Variants in NUP188 observed in about 807,000 individuals in gnomAD.
NUP188 encodes the protein nucleoporin NUP188.
NUP188 carries 97 observed loss-of-function variants against 223.0 expected under a neutral mutation model. That is an observed-to-expected ratio of 0.43 (90% CI 0.37 to 0.51). The LOEUF (loss-of-function observed/expected upper bound fraction) is 0.51, where lower values mean the gene tolerates loss of function less well. Among genes scored for constraint, NUP188 ranks in the 20% least tolerant of loss-of-function variants. The pLI, the probability that NUP188 is intolerant of heterozygous loss-of-function variation, is 0.00. For synonymous variants in NUP188, 869 were observed against 828.0 expected (o/e 1.05, Z -0.85); for missense variants, 1,947 against 2,175.6 (o/e 0.89, Z 2.09).
chr9:128,969,253 C>T (rs1467442107), intron 9 of NUP188, 147 bp from the exon 10 acceptor site: 3 of 575,734 alleles, frequency 5.2e-6, no homozygotes, highest in South Asian at 2.2e-5. Flanking sequence ...CCCACCTCTG[C>T]CTCTCAAAGT....
intron 8 of NUP188, among the ~76,000 whole-genome samples, chr9:128,963,417 C>G (rs1044907631): frequency 6.6e-6 from 1 of 151,526 alleles, no homozygotes; most frequent in Non-Finnish European, 1.5e-5. Context: ...TCCTGAGTAG[C>G]TGGGATTACA....
Position 128,984,968 on chromosome 9 carries a change from A to G in NUP188, c.2030A>G (p.Tyr677Cys), listed in dbSNP as rs781761973. Residue 677 changes from tyrosine (Y) to cysteine (C), a missense_variant, in exon 20 of 44, where the codon TAT becomes TGT. By Grantham distance (194) the Tyr-to-Cys change is radical. This residue lies in a region of NUP188 where 817 missense variants were observed against 865.8 expected (regional missense o/e 0.94). Coordinates refer to ENST00000372577, the MANE Select transcript of NUP188 (RefSeq NM_015354.3). ...AACAGTGAACAGCCTCAGGGCGAGT[A>G]TGGGGTTACTATTGCCTTTCTGCGC... Reference protein sequence around the residue: ...LMNSEQPQGEYGVTIAFLRLI... With the variant: ...LMNSEQPQGECGVTIAFLRLI... The G allele has an allele frequency of 1.9e-6, 3 of 1,613,862 alleles. No individual in the cohort carries two copies. The highest frequency in any genetic ancestry group is 2.5e-6 in the Non-Finnish European group (3 of 1,179,872).
chr9:128,966,205 GTA>G (rs1273186737), intron 8 of NUP188, among the ~76,000 whole-genome samples: 1 of 142,390 alleles, frequency 7.0e-6, no homozygotes, highest in African/African-American at 2.6e-5. Flanking sequence ...TTTTATATAT[GTA>G]TATGTTTTTT....
intron 14 of NUP188, 144 bp from the exon 15 acceptor site, chr9:128,981,120 C>T (rs1463091305): frequency 1.5e-5 from 14 of 930,566 alleles, no homozygotes; most frequent in East Asian, 2.5e-5. Flanking sequence ...GAAGATTTGG[C>T]GAGGGGCGCA....
intron 8 of NUP188, among the ~76,000 whole-genome samples, chr9:128,963,010 G>A (rs1395061609): frequency 6.6e-6 from 1 of 152,048 alleles, no homozygotes; most frequent in Non-Finnish European, 1.5e-5. Context: ...GCTTCTTTCA[G>A]TTAATGTCAT....
At chr9:129,000,045 T>C (rs1466052229) in intron 34 of NUP188, among the ~76,000 whole-genome samples, 2 of 152,200 alleles carry the variant, frequency 1.3e-5, no homozygotes, top group Non-Finnish European at 2.9e-5. Context: ...TTAGGTGCCT[T>C]TTCAGCAATG....
chr9:128,980,493 T>C, intron 13 of NUP188, 113 bp from the exon 14 acceptor site: 2 of 1,038,196 alleles, frequency 1.9e-6, no homozygotes, highest in Admixed American at 2.4e-5. Flanking sequence ...AGGGATGATA[T>C]CTGTCTAAAA....
intron 15 of NUP188, 127 bp from the exon 16 acceptor site, chr9:128,982,422 T>G (rs1379824748): frequency 2.4e-6 from 2 of 849,268 alleles, no homozygotes; most frequent in Non-Finnish European, 1.8e-6. Flanking sequence ...AGGGAGACTC[T>G]GTCTCAAAAA....
intron 3 of NUP188, among the ~76,000 whole-genome samples, 156 bp from the exon 4 acceptor site, chr9:128,956,182 GGTGTGTGTGTGT>G (rs60109270): frequency 1.5e-5 from 2 of 134,640 alleles, no homozygotes; most frequent in African/African-American, 2.6e-5. Flanking sequence ...GAGGTGAATG[GGTGTGTGTGTGT>G]GTGTGTGTGT....
Position 128,980,673 on chromosome 9 carries a change from C to A in NUP188, c.1337C>A (p.Pro446Gln). The change falls in exon 14 of 44, where the codon CCA (proline) becomes CAA (glutamine). Residue 446 changes from proline to glutamine, a missense_variant. Pro to Gln is a moderately conservative substitution (Grantham distance 76, BLOSUM62 -1). Around this residue, in one of 3 missense-constraint regions of NUP188, gnomAD observed 817 missense variants for 865.8 expected, o/e 0.94. Transcript: ENST00000372577. The stretch of plus-strand genomic sequence containing the variant: ...GGAATGTTTCCCCACCTTCTCTCCC[C>A]ACTCCTGCAACTGCTCCGAGCCCTG... ...VCGMFPHLLS[P>Q]LLQLLRALVS... is the part of the protein sequence containing the mutation. The A allele has an allele frequency of 1.9e-6, 3 of 1,614,132 alleles. No individual in the cohort carries two copies. The highest frequency in any genetic ancestry group is 2.5e-6 in the Non-Finnish European group (3 of 1,180,006).
At chr9:128,993,465 T>C in intron 26 of NUP188, 60 bp from the exon 27 acceptor site, 1 of 1,612,286 alleles carries the variant, frequency 6.2e-7, no homozygotes, top group Non-Finnish European at 8.5e-7. Flanking sequence ...TGCTGGGCTC[T>C]GCAAGTACAG....
chr9:128,960,186 C>G (rs1841927735), intron 8 of NUP188, among the ~76,000 whole-genome samples: 1 of 151,048 alleles, frequency 6.6e-6, no homozygotes, highest in Non-Finnish European at 1.5e-5. Context: ...GCCTCAGCCT[C>G]CCGAGTAGCT....
chr9:128,999,190 T>C lies in NUP188; in HGVS notation c.3534T>C (p.Asp1178=). Reference sequence around the variant, plus strand: ...TTTCTAGAGAGTTAGGTTCTGTGGATGAAATCCTTGGACCCTTGACGGAGA... The same window carrying C: ...TTTCTAGAGAGTTAGGTTCTGTGGACGAAATCCTTGGACCCTTGACGGAGA... ...RQWKRELGSV[D]EILGPLTEIL... is the part of the protein sequence containing the mutation. Residue 1178 remains aspartate (D), a synonymous_variant, in exon 33 of 44, where the codon GAT becomes GAC. Coordinates refer to ENST00000372577, the MANE Select transcript of NUP188 (RefSeq NM_015354.3). 6.2e-7 allele frequency: 1 copy of C among 1,614,106 alleles called. No individual in the cohort carries two copies. The highest frequency in any genetic ancestry group is 8.5e-7 in the Non-Finnish European group (1 of 1,180,008).
intron 35 of NUP188, 32 bp downstream of exon 35, chr9:129,001,761 G>A (rs1434983631): frequency 1.1e-5 from 18 of 1,607,674 alleles, no homozygotes; most frequent in Admixed American, 8.4e-5. Flanking sequence ...AGGAGGGAGC[G>A]TCCTTGCTTG....
At chr9:129,003,573 C>T in intron 38 of NUP188, 119 bp downstream of exon 38, 1 of 1,203,530 alleles carries the variant, frequency 8.3e-7, no homozygotes, top group Non-Finnish European at 1.2e-6. Context: ...GGGCTTTTCC[C>T]TTGGGGAGCA....
intron 12 of NUP188, among the ~76,000 whole-genome samples, chr9:128,974,292 C>G (rs1842140760): frequency 6.6e-6 from 1 of 151,740 alleles, no homozygotes; most frequent in Non-Finnish European, 1.5e-5. Context: ...CTCGGCTTCC[C>G]AAATATATAC....
At position 128,993,610 on chromosome 9, in the gene NUP188, C is replaced by A. The variant is rs1432354028; in HGVS notation, c.2933C>A (p.Pro978His). The change falls in exon 27 of 44, where the codon CCC (proline) becomes CAC (histidine). Residue 978 changes from proline to histidine, a missense_variant. This residue lies in a region of NUP188 where 905 missense variants were observed against 990.6 expected (regional missense o/e 0.91). Coordinates refer to ENST00000372577, the MANE Select transcript of NUP188 (RefSeq NM_015354.3). The part of the protein sequence containing the change: ...SQQQDRYWCP[P>H]LLHRAAIAFL... ...CAGCAAGATCGATACTGGTGCCCACCCCTGCTGCATCGTGCCGCCATTGCC... is the reference window on the plus strand; with the variant it reads ...CAGCAAGATCGATACTGGTGCCCACACCTGCTGCATCGTGCCGCCATTGCC... 3 of 1,614,086 alleles carry A rather than the reference C, an allele frequency of 1.9e-6. No homozygotes were observed. The highest frequency in any genetic ancestry group is 3.3e-5 in the Admixed American group (2 of 60,000).
chr9:128,985,873 T>C (rs1332370170), intron 20 of NUP188, among the ~76,000 whole-genome samples: 1 of 152,138 alleles, frequency 6.6e-6, no homozygotes, highest in Non-Finnish European at 1.5e-5. Context: ...ACCTCATCTC[T>C]ACTAAAAATA....
intron 30 of NUP188, 95 bp downstream of exon 30, chr9:128,995,609 A>T: frequency 9.0e-7 from 1 of 1,106,620 alleles, no homozygotes; most frequent in Non-Finnish European, 1.3e-6. Context: ...CGGAAGAATT[A>T]ATCAGGGTTT....
Sources: gnomAD v4.1 joint callset for allele counts (sites outside exome capture counted in the v4.1 genomes callset) on GRCh38, gnomAD v4.1.1 for gene constraint, gnomAD v4.1.1 regional missense constraint, MANE v1.5 for transcripts, NCBI Gene and HGNC (gene_info 2026-07-23, HGNC 2026-07-21) for gene names.